DLGAP2: variants seen among roughly 807,000 people sequenced by gnomAD.
DLGAP2 encodes disks large-associated protein 2.
In DLGAP2, 26 loss-of-function variants were observed where a neutral mutation model predicts 100.3. The ratio of observed to expected loss-of-function variants is 0.26; its 90% CI spans 0.19 to 0.36. The LOEUF is 0.36. Ranked by LOEUF, DLGAP2 falls within the 10% of genes least tolerant of loss-of-function variation. DLGAP2 has a pLI of 1.00. For synonymous variants in DLGAP2, 886 were observed against 630.1 expected (o/e 1.41, Z -6.08); for missense variants, 1,858 against 1,453.2 (o/e 1.28, Z -4.53).
intron 6 of DLGAP2, among the ~76,000 whole-genome samples, chr8:1,601,779 C>A (rs1796633018): frequency 6.6e-6 from 1 of 152,156 alleles, no homozygotes; most frequent in South Asian, 2.1e-4. Context: ...AGCTTAGGGT[C>A]TTTGGAGTTG....
chr8:1,265,394 A>G (rs528861192), intron 3 of DLGAP2, among the ~76,000 whole-genome samples: 4 of 152,380 alleles, frequency 2.6e-5, no homozygotes, highest in African/African-American at 7.2e-5. Flanking sequence ...AGTAGATACT[A>G]GGATATCACC....
chr8:914,516 G>A (rs1000889582), intron 2 of DLGAP2, among the ~76,000 whole-genome samples: 7 of 152,238 alleles, frequency 4.6e-5, no homozygotes, highest in Non-Finnish European at 5.9e-5. Flanking sequence ...CTTCTAGCAT[G>A]GATGCTGTCT....
chr8:1,172,662 C>G (rs13256499), intron 2 of DLGAP2, among the ~76,000 whole-genome samples: 71,641 of 152,018 alleles, frequency 0.47, 19,307 homozygotes, highest in Admixed American at 0.61. Context: ...ACCCTTTCTT[C>G]CAGTTGATCA....
intron 4 of DLGAP2, among the ~76,000 whole-genome samples, chr8:1,537,268 T>A (rs189757797): frequency 0.013 from 1,956 of 152,274 alleles, 41 homozygotes; most frequent in African/African-American, 0.044. Flanking sequence ...TGCATGTGCA[T>A]AATCATGCAT....
intron 3 of DLGAP2, among the ~76,000 whole-genome samples, chr8:1,358,229 T>C (rs1018835016): frequency 3.9e-5 from 6 of 152,090 alleles, no homozygotes; most frequent in African/African-American, 1.4e-4. Flanking sequence ...CTGCGAAAGG[T>C]TTGGTGAGTG....
intron 2 of DLGAP2, among the ~76,000 whole-genome samples, chr8:970,410 G>A (rs62486448): frequency 0.013 from 2,008 of 152,284 alleles, 9 homozygotes; most frequent in Non-Finnish European, 0.021. Context: ...TCTCCAGAGA[G>A]GTGGCTGATC....
chr8:1,521,050 C>T (rs1411549575), intron 4 of DLGAP2, among the ~76,000 whole-genome samples: 2 of 152,060 alleles, frequency 1.3e-5, no homozygotes, highest in Non-Finnish European at 2.9e-5. Flanking sequence ...CCGTTCTATT[C>T]GGGGTGTGGT....
At chr8:1,495,368 G>A (rs1296526836) in intron 3 of DLGAP2, among the ~76,000 whole-genome samples, 2 of 152,204 alleles carry the variant, frequency 1.3e-5, no homozygotes, top group East Asian at 1.9e-4. Context: ...GACGTTTACT[G>A]TCCCGTGTTA....
At chr8:1,690,231 C>G (rs1799223379) in intron 12 of DLGAP2, among the ~76,000 whole-genome samples, 1 of 151,896 alleles carries the variant, frequency 6.6e-6, no homozygotes, top group South Asian at 2.1e-4. Flanking sequence ...TGGCATGCAC[C>G]TGTAATCCCA....
chr8:1,286,433 G>T (rs1299139987), intron 3 of DLGAP2, among the ~76,000 whole-genome samples: 1 of 152,214 alleles, frequency 6.6e-6, no homozygotes, highest in East Asian at 1.9e-4. Context: ...AAGAAGGTGG[G>T]TTCAAAGCAA....
chr8:1,067,720 C>G (rs1283319111), intron 2 of DLGAP2, among the ~76,000 whole-genome samples: 1 of 151,848 alleles, frequency 6.6e-6, no homozygotes, highest in African/African-American at 2.4e-5. Flanking sequence ...CCCATATGGC[C>G]CCTGCCCCAC....
At chr8:1,263,350 C>G (rs892431203) in intron 3 of DLGAP2, among the ~76,000 whole-genome samples, 2 of 152,114 alleles carry the variant, frequency 1.3e-5, no homozygotes, top group African/African-American at 2.4e-5. Context: ...GTTGTTTTTA[C>G]TTTGGTTATT....
chr8:1,526,343 G>C (rs894559491), intron 4 of DLGAP2, among the ~76,000 whole-genome samples: 5 of 151,936 alleles, frequency 3.3e-5, no homozygotes, highest in African/African-American at 4.8e-5. Context: ...GCAGGGCTGA[G>C]AGTCTCCCCC....
intron 2 of DLGAP2, among the ~76,000 whole-genome samples, chr8:1,125,932 A>T (rs958616283): frequency 1.3e-5 from 2 of 152,232 alleles, no homozygotes; most frequent in Non-Finnish European, 2.9e-5. Context: ...TGGCATTGGC[A>T]TTGAGAATCC....
At chr8:1,073,925 T>C (rs1257977076) in intron 2 of DLGAP2, among the ~76,000 whole-genome samples, 1 of 152,046 alleles carries the variant, frequency 6.6e-6, no homozygotes, top group African/African-American at 2.4e-5. Context: ...CAGGATTCAC[T>C]GTAACAGAAG....
At chr8:1,692,651 C>T (rs1302302689) in intron 13 of DLGAP2, among the ~76,000 whole-genome samples, 1 of 152,072 alleles carries the variant, frequency 6.6e-6, no homozygotes, top group South Asian at 2.1e-4. Flanking sequence ...AGAAAATGAT[C>T]TAAGGTGCCT....
chr8:1,414,902 G>A (rs1187275303), intron 3 of DLGAP2, among the ~76,000 whole-genome samples: 2 of 152,128 alleles, frequency 1.3e-5, no homozygotes, highest in Non-Finnish European at 2.9e-5. Context: ...CCAGCTGCTT[G>A]GGAGGCTGAG....
chr8:1,407,591 G>C (rs1461506712), intron 3 of DLGAP2, among the ~76,000 whole-genome samples: 1 of 104,130 alleles, frequency 9.6e-6, no homozygotes, highest in Admixed American at 9.4e-5. Flanking sequence ...AGTGCTTACT[G>C]AGCGCCACCT....
rs186641665 is a variant in DLGAP2 at position 1,243,464 on chromosome 8, C to T, written c.74-15387C>T. ...GAGGCCAGATGTTCTGGACTTGGCC[C>T]CTCAGAGAGATGTTCTGGACTTGGC... On this transcript the variant is annotated intron_variant, in intron 2 of 14. Coordinates refer to ENST00000637795, the MANE Select transcript of DLGAP2 (RefSeq NM_001346810.2). Among the ~76,000 whole-genome samples, 21 of 152,292 alleles carry T rather than the reference C, an allele frequency of 1.4e-4. 1 individual carries two copies. In the East Asian group the frequency reaches 4.1e-3, roughly 29 times the overall value.
Sources: gnomAD v4.1 joint callset for allele counts (sites outside exome capture counted in the v4.1 genomes callset) on GRCh38, gnomAD v4.1.1 for gene constraint, MANE v1.5 for transcripts, NCBI Gene and HGNC (gene_info 2026-07-23, HGNC 2026-07-21) for gene names.